COL18A1: variants seen among roughly 807,000 people sequenced by gnomAD.
COL18A1 encodes the protein collagen alpha-1(XVIII) chain.
In COL18A1, 133 loss-of-function variants were observed where a neutral mutation model predicts 168.0. That is an observed-to-expected ratio of 0.79 (90% confidence interval 0.69 to 0.91). The LOEUF is 0.91. Among genes scored for constraint, COL18A1 ranks in the 40% least tolerant of loss-of-function variants. The probability of loss-of-function intolerance (pLI) is 0.00; values close to 1 mark genes in which losing one functional copy is unlikely to be tolerated. For synonymous variants in COL18A1, 949 were observed against 809.0 expected, an observed-to-expected ratio of 1.17 and a Z score of -2.94; for missense variants, 2,126 against 1,925.4, an observed-to-expected ratio of 1.10 and a Z score of -1.95.
chr21:45,511,305 T>C (rs1568955560), intron 41 of COL18A1, 79 bp downstream of exon 41: 4 of 755,836 alleles, frequency 5.3e-6, no homozygotes, highest in South Asian at 4.4e-5. Flanking sequence ...ATCTGCAGTT[T>C]CCCCCCGAGT....
rs541908170 is a variant in COL18A1, at chr21:45,496,569, G to A, written c.2577+1G>A. 4.2e-6 allele frequency: 6 copies of A among 1,438,662 alleles called. No homozygotes were observed. The Admixed American group carries it at 8.4e-5, about 20-fold the overall frequency. 89.1% of individuals were successfully genotyped at this position (1,438,662 alleles called of 1,614,324 possible). ...AGGGACTCCTGTTTACGACAGCAAT[G>A]TAAGTCCCCAGGGCACCCACTGTCC... On this transcript the variant is annotated splice_donor_variant, in intron 30 of 41. Coordinates refer to ENST00000651438, the MANE Select transcript of COL18A1 (RefSeq NM_001379500.1). LOFTEE classifies it high-confidence loss of function.
chr21:45,503,845 A>G, intron 32 of COL18A1, 166 bp from the exon 33 acceptor site: 1 of 524,798 alleles, frequency 1.9e-6, no homozygotes, highest in South Asian at 3.2e-5. Flanking sequence ...TAACAAAAAC[A>G]TCAGAAAGTA....
At chr21:45,448,340 A>C (rs1238646005) in intron 2 of COL18A1, among the ~76,000 whole-genome samples, 1 of 152,208 alleles carries the variant, frequency 6.6e-6, no homozygotes, top group Non-Finnish European at 1.5e-5. Context: ...GCACACAAGA[A>C]TATCTACATG....
Position 45,468,679 on chromosome 21 carries a change from G to A in COL18A1, c.544G>A (p.Glu182Lys). 6.2e-7 allele frequency: 1 copy of A among 1,613,842 alleles called. No individual in the cohort carries two copies. The highest frequency in any genetic ancestry group is 8.5e-7 in the Non-Finnish European group (1 of 1,180,010). Residue 182 changes from glutamate (E) to lysine (K), a missense_variant, in exon 3 of 42, where the codon GAG (glutamate) becomes AAG (lysine). Coordinates refer to ENST00000651438, the MANE Select transcript of COL18A1 (RefSeq NM_001379500.1). ...GFVALYVDCE[E>K]FQRMPLARSS... Reference sequence around the variant, plus strand: ...TGTGGCCCTCTACGTGGACTGTGAGGAGTTCCAGAGAATGCCGCTTGCTCG... The same window carrying A: ...TGTGGCCCTCTACGTGGACTGTGAGAAGTTCCAGAGAATGCCGCTTGCTCG...
At chr21:45,474,812 T>C (rs1174136288) in intron 4 of COL18A1, among the ~76,000 whole-genome samples, 1 of 124 alleles carries the variant, frequency 8.1e-3, no homozygotes, top group East Asian at 0.083. Context: ...GGCTGGACTG[T>C]GGGCAGTGTG....
chr21:45,487,013 AC>A (rs1332627554), intron 16 of COL18A1, 21 bp downstream of exon 16: 2 of 1,500,536 alleles, frequency 1.3e-6, no homozygotes, highest in Non-Finnish European at 1.8e-6. Flanking sequence ...CCTACACCTG[AC>A]CCCCTGGAGA....
At position 45,412,018 on chromosome 21, in the gene COL18A1, C is replaced by T. The variant is rs185590686; in HGVS notation, c.106+6545C>T. Among the ~76,000 whole-genome samples, 11 of 152,176 alleles carry T rather than the reference C, an allele frequency of 7.2e-5. No individual in the cohort carries two copies. The East Asian group carries it at 9.7e-4, about 13-fold the overall frequency. On this transcript the variant is annotated intron_variant, in intron 2 of 41. Transcript: ENST00000651438. ...GTTTCTCTGGGAACGTGGCGTTCAC[C>T]GTGTGGGTGAACTTTTTCACGCACT...
In COL18A1 at chr21:45,504,460, G is replaced by C. The variant is rs556346113; in HGVS notation, c.2772G>C (p.Arg924Ser). Residue 924 changes from arginine (R) to serine (S), a missense_variant, in exon 34 of 42, where the codon AGG (arginine) becomes AGC (serine). Arg to Ser is a moderately radical substitution (Grantham distance 110). Coordinates refer to ENST00000651438, the MANE Select transcript of COL18A1 (RefSeq NM_001379500.1). Reference protein sequence around the residue: ...DRGDAGQKGERGEPGGGGFFG... With the variant: ...DRGDAGQKGESGEPGGGGFFG... ...GTGATGCAGGACAGAAAGGCGAAAG[G>C]GGGGAGCCCGGGGGCGGCGGTTTCT... The C allele has an allele frequency of 1.3e-5, 21 of 1,610,546 alleles. No homozygotes were observed. The highest frequency in any genetic ancestry group is 4.4e-5 in the South Asian group (4 of 90,980).
chr21:45,440,183 C>T (rs1270639318), intron 2 of COL18A1, among the ~76,000 whole-genome samples: 1 of 152,254 alleles, frequency 6.6e-6, no homozygotes, highest in African/African-American at 2.4e-5. Context: ...GTGACTGCTC[C>T]GCACCAGCTC....
At chr21:45,447,918 G>T (rs184470360) in intron 2 of COL18A1, among the ~76,000 whole-genome samples, 1 of 152,100 alleles carries the variant, frequency 6.6e-6, no homozygotes, top group Admixed American at 6.5e-5. Flanking sequence ...CAGCATTCAG[G>T]AGAAGACAGA....
At chr21:45,502,254 G>A (rs755597285) in intron 32 of COL18A1, among the ~76,000 whole-genome samples, 17 of 152,226 alleles carry the variant, frequency 1.1e-4, no homozygotes, top group South Asian at 2.1e-4. Context: ...GGGTTACAGG[G>A]CATGCCTCCA....
In COL18A1 at chr21:45,425,241, C is replaced by G. The variant is rs1179474294; in HGVS notation, c.106+19768C>G. Reference sequence around the variant, plus strand: ...GTGCTGAGTGCAGTGTGACCGCGTCCGCCCGTCTCCCCGGACACGCCTGTT... The same window carrying G: ...GTGCTGAGTGCAGTGTGACCGCGTCGGCCCGTCTCCCCGGACACGCCTGTT... On this transcript the variant is annotated intron_variant, in intron 2 of 41. Coordinates refer to ENST00000651438, the MANE Select transcript of COL18A1 (RefSeq NM_001379500.1). This position sits in a 1 kb window ranked among gnomAD's most constrained non-coding sequence, Gnocchi z 4.1. Among the ~76,000 whole-genome samples the G allele has an allele frequency of 2.0e-5, 3 of 152,164 alleles. No individual in the cohort carries two copies. The highest frequency in any genetic ancestry group is 4.4e-5 in the Non-Finnish European group (3 of 68,030).
intron 2 of COL18A1, among the ~76,000 whole-genome samples, chr21:45,436,706 G>A (rs1379935990): frequency 6.6e-6 from 1 of 151,782 alleles, no homozygotes; most frequent in African/African-American, 2.4e-5. Context: ...CTGCTCAGGG[G>A]ACTGCTGGTG....
intron 2 of COL18A1, among the ~76,000 whole-genome samples, chr21:45,464,014 A>G (rs1181005511): frequency 1.3e-5 from 2 of 152,236 alleles, no homozygotes; most frequent in Non-Finnish European, 2.9e-5. Context: ...GAAACTCCCT[A>G]TGGGCACTGT....
rs1222011627 is a variant in COL18A1 at position 45,405,504 on chromosome 21, G to A, written c.106+31G>A. On this transcript the variant is annotated intron_variant, in intron 2 of 41. Transcript: ENST00000651438. ...ACCCGGGCGGGACGGGAAGGTTCGC[G>A]CCGGTGCCCGCCGGCCTCGCCGCCC... is the stretch of plus-strand genomic sequence containing the variant. The A allele has an allele frequency of 5.6e-6, 7 of 1,257,052 alleles. No individual in the cohort carries two copies. In the African/African-American group the frequency reaches 7.9e-5, roughly 14 times the overall value. 77.9% of individuals were successfully genotyped at this position (1,257,052 alleles called of 1,614,324 possible). A position where few individuals can be genotyped will look rare whatever the true frequency, so the allele number is the denominator to read the frequency against.
Position 45,486,939 on chromosome 21 carries a change from C to T in COL18A1, c.1780C>T (p.Pro594Ser). 6.7e-7 allele frequency: 1 copy of T among 1,500,946 alleles called. No individual in the cohort carries two copies. The highest frequency in any genetic ancestry group is 8.9e-7 in the Non-Finnish European group (1 of 1,125,910). The allele number at this position is 1,500,946 out of a possible 1,614,324, so 93.0% of individuals were successfully genotyped here. A position where few individuals can be genotyped will look rare whatever the true frequency, so the allele number is the denominator to read the frequency against. The change falls in exon 16 of 42, where the codon CCA becomes TCA. Residue 594 changes from proline (P) to serine (S), a missense_variant. Physicochemically the swap from Pro to Ser is moderately conservative, Grantham distance 74. Transcript: ENST00000651438. ...AGGAGCCCCCGGACCTGCTGGACCA[C>T]CAGGCCCCCCTGGGCCCCCTGGGCC... ...LAGAPGPAGP[P>S]GPPGPPGPPG...
chr21:45,446,108 G>T (rs1043249960), intron 2 of COL18A1, among the ~76,000 whole-genome samples: 1 of 152,178 alleles, frequency 6.6e-6, no homozygotes, highest in Admixed American at 6.5e-5. Flanking sequence ...ATAGCTGCAT[G>T]TGGTGTGAAG....
intron 19 of COL18A1, 140 bp from the exon 20 acceptor site, chr21:45,490,135 G>T: frequency 2.2e-6 from 1 of 463,950 alleles, no homozygotes. Flanking sequence ...TCCCTCCACA[G>T]CCCCTGCTCA....
In COL18A1 at chr21:45,437,109, ACACT is replaced by A. The variant is rs1231121556; in HGVS notation, c.107-31129_107-31126del. ...ATCACACAGGCACTCTCCTGCACAC[ACACT>A]CACACACAGACACACAGGCACTCTC... On this transcript the variant is annotated intron_variant, in intron 2 of 41. Transcript: ENST00000651438. Among the ~76,000 whole-genome samples, 290 of 102,264 alleles carry A rather than the reference ACACT, an allele frequency of 2.8e-3. 63 individuals carry two copies. Among genetic ancestry groups the A allele is most frequent in the African/African-American group, 0.013 (225 of 17,702 alleles). 67.1% of individuals were successfully genotyped at this position (102,264 alleles called of 152,430 possible).
Sources: gnomAD v4.1 joint callset for allele counts (sites outside exome capture counted in the v4.1 genomes callset) on GRCh38, gnomAD v4.1.1 for gene constraint, Gnocchi (gnomAD v3.1) non-coding constraint, MANE v1.5 for transcripts, NCBI Gene and HGNC (gene_info 2026-07-23, HGNC 2026-07-21) for gene names.